Variants in SIK3 observed in about 807,000 individuals in gnomAD.
The protein encoded by SIK3 is serine/threonine-protein kinase SIK3.
In SIK3, 28 loss-of-function variants were observed where a neutral mutation model predicts 144.2. The observed-to-expected ratio is 0.19, with a 90% CI of 0.14 to 0.27. The LOEUF (loss-of-function observed/expected upper bound fraction) is 0.27. SIK3 is among the 10% of genes least tolerant of loss of function. SIK3 has a pLI of 1.00. For synonymous variants in SIK3, 686 were observed against 676.3 expected, an observed-to-expected ratio of 1.01 and a Z score of -0.22; for missense variants, 1,319 against 1,776.0, an observed-to-expected ratio of 0.74 and a Z score of 4.62.
chr11:117,072,319 C>T (rs2136006066), intron 1 of SIK3, among the ~76,000 whole-genome samples: 1 of 152,154 alleles, frequency 6.6e-6, no homozygotes, highest in East Asian at 1.9e-4. Flanking sequence ...ACCAGGGAGG[C>T]AGAAATTGCA....
At chr11:116,869,061 G>A (rs1240702722) in intron 14 of SIK3, 2 of 152,224 alleles carry the variant, frequency 1.3e-5, no homozygotes, top group East Asian at 1.9e-4. Flanking sequence ...AAATATTGCT[G>A]TCTCTTTTAA....
At chr11:116,860,109 G>A (rs1389611379) in intron 19 of SIK3, among the ~76,000 whole-genome samples, 1 of 152,150 alleles carries the variant, frequency 6.6e-6, no homozygotes, top group Non-Finnish European at 1.5e-5. Flanking sequence ...GCTGGGTGTG[G>A]TGGCGGGCGC....
Position 116,847,394 on chromosome 11 carries a change from C to A in SIK3, c.3952+82G>T. The A allele has an allele frequency of 7.6e-6, 12 of 1,570,214 alleles. No homozygotes were observed. The East Asian group carries it at 1.3e-4, about 18-fold the overall frequency. On this transcript the variant is annotated intron_variant, in intron 23 of 24. Transcript: ENST00000445177. ...TCTACCTCCCCATGAGCTCTTCCTA[C>A]GAAGAGAGGAGCAGTTACGGAAGAT...
At chr11:116,890,128 C>A (rs1049755092) in intron 6 of SIK3, among the ~76,000 whole-genome samples, 55 of 152,098 alleles carry the variant, frequency 3.6e-4, no homozygotes, top group Non-Finnish European at 1.2e-4. Context: ...TAAACAAAAA[C>A]CAAATGCTTA....
chr11:116,962,220 C>T (rs1949372793), intron 1 of SIK3, among the ~76,000 whole-genome samples: 3 of 152,112 alleles, frequency 2.0e-5, no homozygotes, highest in Admixed American at 1.3e-4. Flanking sequence ...AATAAATGCC[C>T]TATAGCAGAT....
chr11:116,877,823 TGTGATGAAGGCA>T (rs1391578775), intron 6 of SIK3, among the ~76,000 whole-genome samples: 1 of 152,180 alleles, frequency 6.6e-6, no homozygotes, highest in Non-Finnish European at 1.5e-5. Flanking sequence ...GAGTAATAGT[TGTGATGAAGGCA>T]GTGATGATGA....
chr11:116,872,958 A>G (rs1944042332), intron 13 of SIK3, among the ~76,000 whole-genome samples: 1 of 152,278 alleles, frequency 6.6e-6, no homozygotes, highest in Non-Finnish European at 1.5e-5. Flanking sequence ...TGACTATCAT[A>G]TGAAGGACAT....
chr11:116,844,635 TTATATTA>T lies in SIK3; in HGVS notation c.*1001_*1007del, dbSNP rs1219502563. 1.0e-4 allele frequency: 1 copy of T among 9,724 alleles called. No individual in the cohort carries two copies. The highest frequency in any genetic ancestry group is 5.7e-4 in the East Asian group (1 of 1,754). The allele number at this position is 9,724 out of a possible 1,614,324, so 0.6% of individuals were successfully genotyped here. A position where few individuals can be genotyped will look rare whatever the true frequency, so the allele number is the denominator to read the frequency against. ...ATATATATAATATATATATAATATA[TTATATTA>T]TATATTATATATATAATATATATAT... On this transcript the variant is annotated 3_prime_UTR_variant, in exon 25 of 25. Coordinates refer to ENST00000445177, the MANE Select transcript of SIK3 (RefSeq NM_001366686.3).
intron 4 of SIK3, among the ~76,000 whole-genome samples, chr11:116,902,602 T>A (rs17120132): frequency 0.075 from 11,351 of 152,224 alleles, 510 homozygotes; most frequent in Middle Eastern, 0.11. Context: ...CTAGACCCAA[T>A]AACCAAATGC....
chr11:116,849,610 T>C lies in SIK3; in HGVS notation c.3656-327A>G, dbSNP rs1463449167. On this transcript the variant is annotated intron_variant, in intron 21 of 24. Transcript: ENST00000445177. The surrounding 1 kb of genome is among the most constrained non-coding windows in gnomAD (Gnocchi z 4.2). Reference sequence around the variant, plus strand: ...ACCTAAATGCACATGAGAATTACTCTCGGAGCTTTCAGGACCCTCTAGCCC... The same window carrying C: ...ACCTAAATGCACATGAGAATTACTCCCGGAGCTTTCAGGACCCTCTAGCCC... 6.6e-6 allele frequency among the ~76,000 whole-genome samples: 1 copy of C among 152,204 alleles called. No homozygotes were observed. Among genetic ancestry groups the C allele is most frequent in the Non-Finnish European group, 1.5e-5 (1 of 68,030 alleles).
At chr11:117,097,636 A>G (rs1355303697) in intron 1 of SIK3, among the ~76,000 whole-genome samples, 2 of 151,930 alleles carry the variant, frequency 1.3e-5, no homozygotes, top group South Asian at 2.1e-4. Flanking sequence ...GGGACCTCCC[A>G]GCGCCCTGCA....
chr11:116,982,991 T>C (rs1163374893), intron 1 of SIK3, among the ~76,000 whole-genome samples: 1 of 148,126 alleles, frequency 6.8e-6, no homozygotes, highest in Non-Finnish European at 1.5e-5. Context: ...AGGGGATTTC[T>C]CTGAATATCT....
intron 6 of SIK3, among the ~76,000 whole-genome samples, chr11:116,877,697 T>C (rs1041530564): frequency 1.3e-5 from 2 of 152,218 alleles, no homozygotes; most frequent in African/African-American, 2.4e-5. Flanking sequence ...GGAGCTCGTA[T>C]TACAGATTAC....
chr11:117,078,012 G>T (rs1354002490), intron 1 of SIK3, among the ~76,000 whole-genome samples: 3 of 152,178 alleles, frequency 2.0e-5, no homozygotes, highest in African/African-American at 7.2e-5. Context: ...GGGTAATCAT[G>T]TGAAAATACA....
intron 3 of SIK3, among the ~76,000 whole-genome samples, chr11:116,939,477 A>C (rs1031449787): frequency 6.6e-6 from 1 of 152,248 alleles, no homozygotes; most frequent in Non-Finnish European, 1.5e-5. Flanking sequence ...CTAGGCAACT[A>C]AATGACAGGA....
intron 1 of SIK3, among the ~76,000 whole-genome samples, chr11:117,004,421 T>C (rs1950968620): frequency 6.6e-6 from 1 of 151,860 alleles, no homozygotes; most frequent in African/African-American, 2.4e-5. Context: ...GAGGATGAGG[T>C]GGGAGGATTG....
chr11:116,963,024 G>C (rs1195941187), intron 1 of SIK3, among the ~76,000 whole-genome samples: 1 of 152,150 alleles, frequency 6.6e-6, no homozygotes, highest in Non-Finnish European at 1.5e-5. Context: ...CCTTGAAAAT[G>C]ACTTCTGAAA....
At chr11:116,965,734 AATAT>A (rs58587995) in intron 1 of SIK3, among the ~76,000 whole-genome samples, 1,397 of 117,714 alleles carry the variant, frequency 0.012, 7 homozygotes, top group South Asian at 0.022. Context: ...TCTCTGCTAA[AATAT>A]ATATATATAT....
At chr11:116,920,778 C>T (rs1439694756) in intron 4 of SIK3, among the ~76,000 whole-genome samples, 2 of 152,206 alleles carry the variant, frequency 1.3e-5, no homozygotes, top group South Asian at 2.1e-4. Context: ...TGCTACAGAA[C>T]AGGCATGTAT....
Sources: allele counts gnomAD v4.1 joint callset (sites outside exome capture counted in the v4.1 genomes callset), GRCh38; gene constraint gnomAD v4.1.1; non-coding constraint Gnocchi (gnomAD v3.1); transcripts MANE v1.5; gene names NCBI Gene and HGNC (gene_info 2026-07-23, HGNC 2026-07-21).